DYNLL1: variants seen among roughly 807,000 people sequenced by gnomAD.
The protein encoded by DYNLL1 is dynein light chain 1, cytoplasmic.
In DYNLL1, 3 loss-of-function variants were observed where a neutral mutation model predicts 10.1. The observed-to-expected ratio is 0.30, with a 90% CI of 0.14 to 0.77. The LOEUF (loss-of-function observed/expected upper bound fraction) is 0.77, where lower values mean the gene tolerates loss of function less well. Among genes scored for constraint, DYNLL1 ranks in the 30% least tolerant of loss-of-function variants. DYNLL1 has a pLI of 0.66. For missense variants in DYNLL1, 47 were observed against 111.7 expected, an observed-to-expected ratio of 0.42 and a Z score of 2.61; for synonymous variants, 46 against 41.2, an observed-to-expected ratio of 1.12 and a Z score of -0.45.
chr12:120,479,297 AC>A lies in DYNLL1; in HGVS notation c.-7+9194del, dbSNP rs1262374815. ...GAGAAACCCCGTCTCTACTAAAAAT[AC>A]AAAAAATTAGACGGGCATGGTGGCA... On this transcript the variant is annotated intron_variant, in intron 1 of 2. Coordinates refer to the DYNLL1 transcript ENST00000392509. 5.3e-5 allele frequency among the ~76,000 whole-genome samples: 8 copies of A among 149,574 alleles called. No homozygotes were observed. In the South Asian group the frequency reaches 8.5e-4, roughly 16 times the overall value.
At chr12:120,494,733 G>A (rs901764729), upstream of DYNLL1, among the ~76,000 whole-genome samples, 2 of 152,150 alleles carry the variant, frequency 1.3e-5, no homozygotes, top group Non-Finnish European at 2.9e-5. Context: ...TGGGATTACA[G>A]GTGTGAGCCA....
At chr12:120,481,243 ACAT>A (rs1261328899) in intron 1 of DYNLL1, among the ~76,000 whole-genome samples, 1 of 152,040 alleles carries the variant, frequency 6.6e-6, no homozygotes, top group Non-Finnish European at 1.5e-5. Context: ...TCATTTTTCC[ACAT>A]CAATTGTTCA....
rs571908993 is a variant in DYNLL1, at chr12:120,472,434, C to A, written c.-7+2330C>A. ...GGAAAGAGCCCTGGCCAAATATGAT[C>A]TCGAGTCTAAGTGTGCAGCCTTATA... On this transcript the variant is annotated intron_variant, in intron 1 of 2. Coordinates refer to the DYNLL1 transcript ENST00000392509. Among the ~76,000 whole-genome samples, 305 of 152,296 alleles carry A rather than the reference C, an allele frequency of 2.0e-3. 1 individual carries two copies. Among genetic ancestry groups the A allele is most frequent in the African/African-American group, 7.2e-3 (298 of 41,576 alleles).
chr12:120,496,399 C>A lies in DYNLL1; in HGVS notation c.-6-17C>A. 6.2e-7 allele frequency: 1 copy of A among 1,613,912 alleles called. No individual in the cohort carries two copies. Among genetic ancestry groups the A allele is most frequent in the Non-Finnish European group, 8.5e-7 (1 of 1,179,972 alleles). On this transcript the variant is annotated splice_polypyrimidine_tract_variant and intron_variant, in intron 1 of 2. Coordinates refer to ENST00000242577, the MANE Select transcript of DYNLL1 (RefSeq NM_003746.3). ...CGCGGCCCAACTCAACCCCTTACCCCAGGCCTTGCCCACTAGGTAACCATG... is the reference window on the plus strand; with the variant it reads ...CGCGGCCCAACTCAACCCCTTACCCAAGGCCTTGCCCACTAGGTAACCATG...
At chr12:120,496,748 T>G (rs1353089754) in intron 2 of DYNLL1, 195 bp downstream of exon 2, 6 of 774,090 alleles carry the variant, frequency 7.8e-6, no homozygotes, top group South Asian at 3.8e-5. Context: ...GAAGTTTTTT[T>G]TTTTTTTTTT....
intron 1 of DYNLL1, among the ~76,000 whole-genome samples, chr12:120,473,902 T>C (rs1321505467): frequency 6.6e-6 from 1 of 151,160 alleles, no homozygotes; most frequent in Non-Finnish European, 1.5e-5. Flanking sequence ...CCTGGGAGGT[T>C]GAAGCTGTAG....
chr12:120,482,362 G>A (rs1379556633), intron 1 of DYNLL1, among the ~76,000 whole-genome samples: 4 of 149,764 alleles, frequency 2.7e-5, no homozygotes, highest in African/African-American at 9.9e-5. Flanking sequence ...GCGCTCTATC[G>A]CCCAGGCTGT....
At chr12:120,497,989 C>T (rs1868513104) in intron 2 of DYNLL1, 84 bp from the exon 3 acceptor site, 2 of 1,377,956 alleles carry the variant, frequency 1.5e-6, no homozygotes, top group East Asian at 2.4e-5. Flanking sequence ...CTCCTTTCTG[C>T]CCCTACAGGC....
At chr12:120,474,487 A>T (rs1237089042) in intron 1 of DYNLL1, among the ~76,000 whole-genome samples, 5 of 151,978 alleles carry the variant, frequency 3.3e-5, no homozygotes, top group Admixed American at 3.3e-4. Context: ...TCGGGTGATG[A>T]GTGCATGAAA....
Position 120,498,367 on chromosome 12 carries a change from T to C in DYNLL1, c.*157T>C. 1 of 796,750 alleles carries C rather than the reference T, an allele frequency of 1.3e-6. No individual in the cohort carries two copies. The highest frequency in any genetic ancestry group is 1.8e-5 in the African/African-American group (1 of 56,496). The allele number at this position is 796,750 out of a possible 1,614,324, so 49.4% of individuals were successfully genotyped here. On this transcript the variant is annotated 3_prime_UTR_variant, in exon 3 of 3. Transcript: ENST00000242577. ...TTGTACAGGGCATTCTCTGTACTAG[T>C]TTGTCGTGGTTATAAAACAATTAGC...
In DYNLL1 at chr12:120,496,149, G is replaced by T. The variant is rs117015363; in HGVS notation, c.-74G>T. ...GGTTTCGGTAGCGACGGTATCTCTA[G>T]CCGGGCCTGAGCTGTGCTAGCACCT... On this transcript the variant is annotated 5_prime_UTR_variant, in exon 1 of 3. Coordinates refer to ENST00000242577, the MANE Select transcript of DYNLL1 (RefSeq NM_003746.3). 24 of 551,890 alleles carry T rather than the reference G, an allele frequency of 4.3e-5. No individual in the cohort carries two copies. Among genetic ancestry groups the T allele is most frequent in the East Asian group, 1.9e-4 (6 of 31,692 alleles). The allele number at this position is 551,890 out of a possible 1,614,324, so 34.2% of individuals were successfully genotyped here. A position where few individuals can be genotyped will look rare whatever the true frequency, so the allele number is the denominator to read the frequency against.
intron 1 of DYNLL1, among the ~76,000 whole-genome samples, chr12:120,474,446 A>G (rs1878713732): frequency 6.6e-6 from 1 of 151,876 alleles, no homozygotes; most frequent in South Asian, 2.1e-4. Context: ...ACAACATAAA[A>G]AAAAAAAAAA....
At chr12:120,473,643 C>T (rs1316705566) in intron 1 of DYNLL1, among the ~76,000 whole-genome samples, 4 of 143,202 alleles carry the variant, frequency 2.8e-5, no homozygotes, top group African/African-American at 8.0e-5. Context: ...TGCAGTGAGC[C>T]GAGATTGCGC....
At chr12:120,489,770 T>G (rs958068543) in intron 1 of DYNLL1, among the ~76,000 whole-genome samples, 4 of 151,416 alleles carry the variant, frequency 2.6e-5, no homozygotes, top group Middle Eastern at 3.4e-3. Context: ...TTTTTTGAGG[T>G]GGAGTCTCTC....
At chr12:120,485,072 C>T (rs1312573268) in intron 1 of DYNLL1, among the ~76,000 whole-genome samples, 1 of 151,832 alleles carries the variant, frequency 6.6e-6, no homozygotes, top group African/African-American at 2.4e-5. Flanking sequence ...TAAAATTGGG[C>T]TGGGTGCAGT....
chr12:120,473,443 C>T lies in DYNLL1; in HGVS notation c.-7+3339C>T, dbSNP rs536407503. Among the ~76,000 whole-genome samples, 28 of 151,930 alleles carry T rather than the reference C, an allele frequency of 1.8e-4. No individual in the cohort carries two copies. The East Asian group carries it at 5.4e-3, about 29-fold the overall frequency. ...GCCCAGTGGCTCATGCCTGTAATCC[C>T]AGCACTTTGGGGAGGTCAAGGTGGG... On this transcript the variant is annotated intron_variant, in intron 1 of 2. Transcript: ENST00000392509.
At chr12:120,483,684 A>C (rs1173689116) in intron 1 of DYNLL1, among the ~76,000 whole-genome samples, 2 of 152,156 alleles carry the variant, frequency 1.3e-5, no homozygotes, top group African/African-American at 2.4e-5. Context: ...TTTGGGGTGA[A>C]AATACAAATT....
intron 1 of DYNLL1, among the ~76,000 whole-genome samples, chr12:120,471,245 C>T (rs951615337): frequency 6.7e-6 from 1 of 150,242 alleles, no homozygotes; most frequent in East Asian, 2.0e-4. Context: ...CTTGGTGGCA[C>T]GCCTGTAGTC....
At position 120,479,468 on chromosome 12, in the gene DYNLL1, A is replaced by AT. The variant is rs1272081996; in HGVS notation, c.-7+9364_-7+9365insT. Among the ~76,000 whole-genome samples, 543 of 109,530 alleles carry AT rather than the reference A, an allele frequency of 5.0e-3. 4 individuals carry two copies. Among genetic ancestry groups the AT allele is most frequent in the African/African-American group, 0.018 (517 of 29,172 alleles). The allele number at this position is 109,530 out of a possible 152,430, so 71.9% of individuals were successfully genotyped here. ...CGTCTCCAAAAAAAAAAAAAAAAAA[A>AT]AATAATAATAATAATAATAATAATA... On this transcript the variant is annotated intron_variant, in intron 1 of 2. Transcript: ENST00000392509.
Sources: gnomAD v4.1 joint callset for allele counts (sites outside exome capture counted in the v4.1 genomes callset) on GRCh38, gnomAD v4.1.1 for gene constraint, MANE v1.5 for transcripts, NCBI Gene and HGNC (gene_info 2026-07-23, HGNC 2026-07-21) for gene names.